Variants in TSPAN1 observed in about 807,000 individuals in gnomAD.
TSPAN1 encodes the protein tetraspanin-1.
A neutral mutation model predicts 26.9 loss-of-function variants in TSPAN1; 23 were observed. That is an observed-to-expected ratio of 0.85 (90% CI 0.62 to 1.21). TSPAN1 has a LOEUF of 1.21. Ranked by LOEUF, TSPAN1 falls within the 50% of genes most tolerant of loss-of-function variation. TSPAN1 has a pLI of 0.00. For missense variants in TSPAN1, 283 were observed against 298.4 expected, an observed-to-expected ratio of 0.95 and a Z score of 0.38; for synonymous variants, 115 against 114.8, an observed-to-expected ratio of 1.00 and a Z score of -0.01.
downstream of TSPAN1, chr1:46,189,840 TGG>T: frequency 6.2e-7 from 1 of 1,613,568 alleles, no homozygotes; most frequent in Non-Finnish European, 8.5e-7. Flanking sequence ...AGGGTGGGCA[TGG>T]TATTGGAGCA....
chr1:46,189,870 C>G (rs386834019), downstream of TSPAN1: 5 of 1,613,762 alleles, frequency 3.1e-6, no homozygotes, highest in South Asian at 5.5e-5. Flanking sequence ...AAGCTGGGTC[C>G]AGGTGGTGAA....
chr1:46,189,249 C>G (rs773913718), downstream of TSPAN1: 3 of 1,609,494 alleles, frequency 1.9e-6, no homozygotes, highest in South Asian at 3.3e-5. Context: ...TACCCAGCCC[C>G]GCAGGGTCCT....
At chr1:46,193,131 T>G in the TSPAN1 span, 4 of 1,613,278 alleles carry the variant, frequency 2.5e-6, no homozygotes, top group Non-Finnish European at 3.4e-6. Context: ...TATGCCCATG[T>G]TTCCCCCCTC....
chr1:46,193,536 C>T, the TSPAN1 span: 13 of 1,614,142 alleles, frequency 8.1e-6, no homozygotes, highest in Non-Finnish European at 1.1e-5. Flanking sequence ...TTGTACTCCA[C>T]CCGAGGCACC....
downstream of TSPAN1, among the ~76,000 whole-genome samples, chr1:46,187,833 T>C (rs1380193906): frequency 1.3e-5 from 2 of 152,166 alleles, no homozygotes; most frequent in Non-Finnish European, 2.9e-5. Flanking sequence ...ATACCACCCA[T>C]GCTGTCACCG....
chr1:46,184,552 G>A lies in TSPAN1; in HGVS notation c.265-42G>A, dbSNP rs748434770. On this transcript the variant is annotated intron_variant, in intron 4 of 8. Coordinates refer to ENST00000372003, the MANE Select transcript of TSPAN1 (RefSeq NM_005727.4). The stretch of plus-strand genomic sequence containing the variant: ...GGATTAGGGCAAGGAGGGCATGAGG[G>A]ACTGTCTCTCCCTAAAACCCAGACC... 5.0e-6 allele frequency: 8 copies of A among 1,610,004 alleles called. No individual in the cohort carries two copies. In the South Asian group the frequency reaches 6.6e-5, roughly 13 times the overall value.
At chr1:46,181,424 T>C (rs1456588472) in intron 3 of TSPAN1, among the ~76,000 whole-genome samples, 1 of 152,206 alleles carries the variant, frequency 6.6e-6, no homozygotes, top group Non-Finnish European at 1.5e-5. Flanking sequence ...AGCTTTAGCC[T>C]AGGCTTCAGG....
At position 46,184,838 on chromosome 1, in the gene TSPAN1, T is replaced by C. The variant is rs1330848794; in HGVS notation, c.393T>C (p.Gly131=). The C allele has an allele frequency of 1.2e-6, 2 of 1,614,132 alleles. No homozygotes were observed. Among genetic ancestry groups the C allele is most frequent in the Admixed American group, 3.3e-5 (2 of 60,020 alleles). Residue 131 remains glycine (G), a synonymous_variant, in exon 6 of 9, where the codon GGT becomes GGC. Transcript: ENST00000372003. ...LVVPAIKKDY[G]SQEDFTQVWN... The stretch of plus-strand genomic sequence containing the variant: ...TGCCTGCCATCAAGAAAGATTATGG[T>C]TCCCAGGAAGACTTCACTCAAGTGT...
intron 1 of TSPAN1, 46 bp from the exon 2 acceptor site, chr1:46,180,480 A>C (rs1324779328): frequency 6.6e-6 from 1 of 152,442 alleles, no homozygotes; most frequent in Non-Finnish European, 1.5e-5. Context: ...GGGTGGGGCC[A>C]GCAGGCGGGC....
the TSPAN1 span, chr1:46,195,672 G>A: frequency 1.2e-6 from 1 of 816,004 alleles, no homozygotes; most frequent in Non-Finnish European, 2.1e-6. Context: ...TAATACAAAT[G>A]TTAAGGCTGA....
Position 46,181,485 on chromosome 1 carries a change from G to C in TSPAN1, c.57+321G>C, listed in dbSNP as rs192108261. On this transcript the variant is annotated intron_variant, in intron 3 of 8. Transcript: ENST00000372003. ...GATTCTCCACCCTTTATAGGCACTG[G>C]GGGCCCAGAAAATAGAAGGGCTCCA... is the stretch of plus-strand genomic sequence containing the variant. Among the ~76,000 whole-genome samples the C allele has an allele frequency of 5.4e-3, 820 of 152,296 alleles. 5 individuals are homozygous for C. Among genetic ancestry groups the C allele is most frequent in the Non-Finnish European group, 9.3e-3 (633 of 68,024 alleles).
rs778689452 is a variant in TSPAN1 at position 46,185,482 on chromosome 1, C to T, written c.679-4C>T. The T allele has an allele frequency of 1.9e-6, 3 of 1,614,214 alleles. No homozygotes were observed. In the South Asian group the frequency reaches 3.3e-5, roughly 18 times the overall value. ...CTCATCTCTCCCTGTTCCTCCCTCT[C>T]CAGCTGGCTGCCATGATTGTGTCCA... On this transcript the variant is annotated splice_polypyrimidine_tract_variant and splice_region_variant and intron_variant, in intron 8 of 8. Transcript: ENST00000372003.
chr1:46,188,752 G>A, downstream of TSPAN1: 7 of 1,612,228 alleles, frequency 4.3e-6, no homozygotes, highest in Non-Finnish European at 5.1e-6. Flanking sequence ...CAAAGAGAAG[G>A]CTGAGAGGAG....
At chr1:46,184,526 G>T in intron 4 of TSPAN1, 68 bp from the exon 5 acceptor site, 1 of 1,605,746 alleles carries the variant, frequency 6.2e-7, no homozygotes, top group Non-Finnish European at 8.5e-7. Flanking sequence ...TTCCGGGGGG[G>T]GGATTAGGGC....
At chr1:46,183,980 T>C (rs1219269848) in intron 3 of TSPAN1, 1 of 604,136 alleles carries the variant, frequency 1.7e-6, no homozygotes, top group East Asian at 2.8e-5. Context: ...CCTTTATATC[T>C]GCCCAGGTGT....
downstream of TSPAN1, among the ~76,000 whole-genome samples, chr1:46,188,474 G>A (rs936384718): frequency 2.0e-5 from 3 of 152,182 alleles, no homozygotes; most frequent in Admixed American, 6.5e-5. Context: ...CTCAAGTAGG[G>A]CGGGGCTAAA....
chr1:46,188,679 C>A, downstream of TSPAN1: 1 of 1,579,492 alleles, frequency 6.3e-7, no homozygotes, highest in Non-Finnish European at 8.6e-7. Context: ...AATCACAAGA[C>A]ATCCCCAGAG....
At chr1:46,179,865 G>A (rs1168233433) in intron 1 of TSPAN1, among the ~76,000 whole-genome samples, 2 of 152,128 alleles carry the variant, frequency 1.3e-5, no homozygotes, top group Non-Finnish European at 2.9e-5. Context: ...GGAGGGAAGA[G>A]GATTAGGAAC....
At chr1:46,177,906 G>A (rs1456026960) in intron 1 of TSPAN1, among the ~76,000 whole-genome samples, 2 of 152,152 alleles carry the variant, frequency 1.3e-5, no homozygotes, top group Non-Finnish European at 2.9e-5. Context: ...GAGGCAGGCA[G>A]GAAGCAAATC....
Sources: gnomAD v4.1 joint callset for allele counts (sites outside exome capture counted in the v4.1 genomes callset) on GRCh38, gnomAD v4.1.1 for gene constraint, MANE v1.5 for transcripts, NCBI Gene and HGNC (gene_info 2026-07-23, HGNC 2026-07-21) for gene names.